The following HTR1F variants were observed in gnomAD, a reference collection of about 807,000 sequenced individuals.
The protein encoded by HTR1F is 5-hydroxytryptamine (serotonin) receptor 1F, G protein-coupled.
A neutral mutation model predicts 24.0 loss-of-function variants in HTR1F; 17 were observed. The observed-to-expected ratio is 0.71, with a 90% CI of 0.48 to 1.06. The LOEUF (loss-of-function observed/expected upper bound fraction) is 1.06, where lower values mean the gene tolerates loss of function less well. Among genes scored for constraint, HTR1F ranks in the 50% least tolerant of loss-of-function variants. The pLI is 0.00. For synonymous variants in HTR1F, 186 were observed against 156.8 expected (o/e 1.19, Z -1.39); for missense variants, 391 against 427.8 (o/e 0.91, Z 0.76).
At chr3:87,926,087 C>T (rs774081739) in intron 2 of HTR1F, among the ~76,000 whole-genome samples, 8 of 152,266 alleles carry the variant, frequency 5.3e-5, no homozygotes, top group South Asian at 2.1e-4. Flanking sequence ...AAGACATAGG[C>T]TTAAATCAAT....
chr3:87,858,621 T>C (rs764472797), intron 2 of HTR1F, among the ~76,000 whole-genome samples: 1 of 152,170 alleles, frequency 6.6e-6, no homozygotes, highest in Non-Finnish European at 1.5e-5. Context: ...CTGTAATTGC[T>C]TGTAAAATTA....
intron 2 of HTR1F, among the ~76,000 whole-genome samples, chr3:87,929,015 C>T (rs1423441734): frequency 6.6e-6 from 1 of 152,124 alleles, no homozygotes; most frequent in Admixed American, 6.6e-5. Flanking sequence ...AGAAATGAGA[C>T]ATTTTTCTCT....
At chr3:87,965,058 T>A (rs960412324) in intron 2 of HTR1F, among the ~76,000 whole-genome samples, 2 of 152,218 alleles carry the variant, frequency 1.3e-5, no homozygotes, top group Non-Finnish European at 2.9e-5. Context: ...CATGTGGAAC[T>A]GTGAGTCCAT....
At chr3:87,912,633 CAAAA>C (rs35147140) in intron 2 of HTR1F, among the ~76,000 whole-genome samples, 5,561 of 84,702 alleles carry the variant, frequency 0.066, 253 homozygotes, top group African/African-American at 0.21. Flanking sequence ...CAATCCTAGG[CAAAA>C]AAAAAAAAAA....
chr3:87,880,315 T>G (rs1267306612), intron 2 of HTR1F, among the ~76,000 whole-genome samples: 2 of 152,190 alleles, frequency 1.3e-5, no homozygotes, highest in Non-Finnish European at 2.9e-5. Flanking sequence ...ATGTAATTCA[T>G]TGTACATAGA....
At chr3:87,849,978 G>T (rs530634905) in intron 2 of HTR1F, among the ~76,000 whole-genome samples, 78 of 152,000 alleles carry the variant, frequency 5.1e-4, no homozygotes, top group Admixed American at 1.3e-3. Context: ...GAGAGGATGT[G>T]GAGAAATAAG....
chr3:87,833,368 T>A (rs1207628823), intron 2 of HTR1F, among the ~76,000 whole-genome samples: 2 of 152,188 alleles, frequency 1.3e-5, no homozygotes, highest in African/African-American at 2.4e-5. Flanking sequence ...TCAAAATAAC[T>A]TAATCTACTT....
At chr3:87,893,697 C>A (rs1049285513) in intron 2 of HTR1F, among the ~76,000 whole-genome samples, 23 of 152,200 alleles carry the variant, frequency 1.5e-4, no homozygotes, top group African/African-American at 5.1e-4. Flanking sequence ...GCTTTGCAAT[C>A]CATGACAATA....
At chr3:87,915,000 G>A (rs1162383696) in intron 2 of HTR1F, among the ~76,000 whole-genome samples, 5 of 152,084 alleles carry the variant, frequency 3.3e-5, no homozygotes. Context: ...AGAGACCCAA[G>A]GATGGTTCAC....
intron 2 of HTR1F, among the ~76,000 whole-genome samples, chr3:87,855,402 T>C (rs1705176867): frequency 6.6e-6 from 1 of 152,178 alleles, no homozygotes; most frequent in Admixed American, 6.6e-5. Flanking sequence ...CAGATCTTTA[T>C]CCCAGAGGCC....
chr3:87,797,975 G>T (rs1226936717), intron 1 of HTR1F, among the ~76,000 whole-genome samples: 3 of 152,134 alleles, frequency 2.0e-5, no homozygotes, highest in African/African-American at 7.2e-5. Flanking sequence ...CAGGGACAGT[G>T]CCATTTCCCA....
intron 1 of HTR1F, among the ~76,000 whole-genome samples, chr3:87,812,638 C>T (rs989174921): frequency 6.6e-6 from 1 of 152,148 alleles, no homozygotes; most frequent in Non-Finnish European, 1.5e-5. Context: ...ATCACCAAGA[C>T]AATGGGGAAA....
intron 2 of HTR1F, among the ~76,000 whole-genome samples, chr3:87,859,683 C>T (rs186128571): frequency 2.7e-4 from 41 of 152,312 alleles, no homozygotes; most frequent in African/African-American, 9.9e-4. Flanking sequence ...AGCCTGTGTG[C>T]TCTCCACAGT....
At chr3:87,920,346 C>A (rs1268833689) in intron 2 of HTR1F, among the ~76,000 whole-genome samples, 1 of 151,742 alleles carries the variant, frequency 6.6e-6, no homozygotes, top group Non-Finnish European at 1.5e-5. Flanking sequence ...CAAATCACCA[C>A]TAAAGAACTT....
intron 1 of HTR1F, among the ~76,000 whole-genome samples, chr3:87,803,771 T>C (rs1308691099): frequency 1.3e-5 from 2 of 152,182 alleles, no homozygotes; most frequent in Non-Finnish European, 2.9e-5. Flanking sequence ...AAGAATAATA[T>C]AGAACTACAT....
chr3:87,797,854 G>T (rs138039019), intron 1 of HTR1F, among the ~76,000 whole-genome samples: 1 of 152,262 alleles, frequency 6.6e-6, no homozygotes, highest in East Asian at 1.9e-4. Context: ...TACACAGAAG[G>T]CAAAGCTGAT....
intron 2 of HTR1F, among the ~76,000 whole-genome samples, chr3:87,842,273 G>A (rs1704824838): frequency 6.6e-6 from 1 of 151,624 alleles, no homozygotes. Context: ...GCAATTCTCT[G>A]CCTCAGCCTC....
At position 87,991,492 on chromosome 3, in the gene HTR1F, A is replaced by C. The variant is rs1705829552; in HGVS notation, c.743A>C (p.Glu248Ala). ...TKSVSTSYVLEKSLSDPSTDF... is the reference protein window; with the variant it reads ...TKSVSTSYVLAKSLSDPSTDF... ...TCAGTTTCCACATCCTATGTACTAG[A>C]AAAGTCTTTATCTGACCCATCAACA... Residue 248 changes from glutamate to alanine, a missense_variant, in exon 3 of 3, where the codon GAA becomes GCA. Glu to Ala is a moderately radical substitution (Grantham distance 107, BLOSUM62 -1). Transcript: ENST00000319595. 3 of 1,614,160 alleles carry C rather than the reference A, an allele frequency of 1.9e-6. No homozygotes were observed. The highest frequency in any genetic ancestry group is 1.7e-5 in the Admixed American group (1 of 60,012).
chr3:87,964,325 T>TA (rs1473706290), intron 2 of HTR1F, among the ~76,000 whole-genome samples: 2 of 152,188 alleles, frequency 1.3e-5, no homozygotes, highest in Non-Finnish European at 2.9e-5. Context: ...TATTTACCCA[T>TA]AAGCATACCA....
Sources: allele counts gnomAD v4.1 joint callset (sites outside exome capture counted in the v4.1 genomes callset), GRCh38; gene constraint gnomAD v4.1.1; transcripts MANE v1.5; gene names NCBI Gene and HGNC (gene_info 2026-07-23, HGNC 2026-07-21).